Variants in PTPRZ1 observed in about 807,000 individuals in gnomAD.
The protein encoded by PTPRZ1 is receptor-type tyrosine-protein phosphatase zeta.
A neutral mutation model predicts 214.1 loss-of-function variants in PTPRZ1; 82 were observed. The ratio of observed to expected loss-of-function variants is 0.38; its 90% CI spans 0.32 to 0.46. PTPRZ1 has a LOEUF of 0.46. PTPRZ1 is among the 20% of genes least tolerant of loss of function. The probability of loss-of-function intolerance (pLI) is 1.00; values close to 1 mark genes in which losing one functional copy is unlikely to be tolerated. For synonymous variants in PTPRZ1, 945 were observed against 987.9 expected, an observed-to-expected ratio of 0.96 and a Z score of 0.81; for missense variants, 2,603 against 2,748.7, an observed-to-expected ratio of 0.95 and a Z score of 1.19.
intron 2 of PTPRZ1, among the ~76,000 whole-genome samples, chr7:121,940,769 G>A (rs1796216171): frequency 6.6e-6 from 1 of 150,578 alleles, no homozygotes; most frequent in African/African-American, 2.5e-5. Flanking sequence ...CAATAGTACA[G>A]ATATAATTAT....
At chr7:121,978,246 T>C (rs1797500899) in intron 6 of PTPRZ1, among the ~76,000 whole-genome samples, 1 of 152,226 alleles carries the variant, frequency 6.6e-6, no homozygotes, top group African/African-American at 2.4e-5. Flanking sequence ...ATTCTGGCTC[T>C]TAATTTGAAA....
intron 1 of PTPRZ1, among the ~76,000 whole-genome samples, chr7:121,873,892 C>T (rs1444624902): frequency 2.6e-5 from 4 of 151,996 alleles, no homozygotes; most frequent in Admixed American, 2.6e-4. Flanking sequence ...GTAGAAATCG[C>T]CTTTTAGATA....
intron 16 of PTPRZ1, 68 bp downstream of exon 16, chr7:122,034,183 TGATA>T: frequency 6.4e-7 from 1 of 1,564,606 alleles, no homozygotes; most frequent in Non-Finnish European, 8.8e-7. Flanking sequence ...AAATTTCATT[TGATA>T]GATTATTTTG....
At chr7:122,042,441 G>A (rs542510533) in intron 21 of PTPRZ1, among the ~76,000 whole-genome samples, 167 bp from the exon 22 acceptor site, 41 of 152,246 alleles carry the variant, frequency 2.7e-4, no homozygotes, top group African/African-American at 7.5e-4. Flanking sequence ...AAAGCATTAC[G>A]CTTAATTACT....
intron 4 of PTPRZ1, among the ~76,000 whole-genome samples, chr7:121,974,596 T>C (rs1161748867): frequency 6.6e-6 from 1 of 152,176 alleles, no homozygotes; most frequent in Non-Finnish European, 1.5e-5. Flanking sequence ...CAAGCAATTC[T>C]CCTGCCTCAG....
At position 121,972,482 on chromosome 7, in the gene PTPRZ1, G is replaced by A; in HGVS notation, c.305-59G>A. Reference sequence around the variant, plus strand: ...TGTACCTTAAGTAGATGGAAATTTAGTTGAAATTTAAAATTTTGATTTTCA... The same window carrying A: ...TGTACCTTAAGTAGATGGAAATTTAATTGAAATTTAAAATTTTGATTTTCA... On this transcript the variant is annotated intron_variant, in intron 3 of 29. Coordinates refer to ENST00000393386, the MANE Select transcript of PTPRZ1 (RefSeq NM_002851.3). 2.1e-6 allele frequency: 3 copies of A among 1,438,232 alleles called. No homozygotes were observed. In the East Asian group the frequency reaches 7.0e-5, roughly 34 times the overall value. The allele number at this position is 1,438,232 out of a possible 1,614,324, so 89.1% of individuals were successfully genotyped here.
intron 11 of PTPRZ1, among the ~76,000 whole-genome samples, chr7:122,009,432 T>C (rs989269365): frequency 1.4e-5 from 2 of 145,496 alleles, no homozygotes; most frequent in African/African-American, 2.5e-5. Context: ...ACAAAGATAC[T>C]GACAAAATCA....
chr7:121,875,289 T>C (rs1391054901), intron 1 of PTPRZ1, among the ~76,000 whole-genome samples: 1 of 152,224 alleles, frequency 6.6e-6, no homozygotes, highest in Non-Finnish European at 1.5e-5. Context: ...TTCATATAAA[T>C]AGAATCATGC....
At chr7:121,890,374 A>G (rs1329214674) in intron 1 of PTPRZ1, among the ~76,000 whole-genome samples, 1 of 152,110 alleles carries the variant, frequency 6.6e-6, no homozygotes, top group Non-Finnish European at 1.5e-5. Context: ...ATAATCTTCC[A>G]TTGCAAATGT....
At chr7:122,051,550 A>T in intron 24 of PTPRZ1, 29 bp downstream of exon 24, 1 of 1,570,760 alleles carries the variant, frequency 6.4e-7, no homozygotes, top group East Asian at 2.2e-5. Flanking sequence ...TGAAAAAACA[A>T]CTTTTTTAAA....
intron 8 of PTPRZ1, among the ~76,000 whole-genome samples, chr7:121,987,425 A>G (rs1797791189): frequency 6.6e-6 from 1 of 152,208 alleles, no homozygotes; most frequent in South Asian, 2.1e-4. Context: ...GTGTATACCC[A>G]GTAATGGGAT....
chr7:121,976,154 A>G lies in PTPRZ1; in HGVS notation c.457-19A>G. 1 of 1,533,264 alleles carries G rather than the reference A, an allele frequency of 6.5e-7. No homozygotes were observed. Among genetic ancestry groups the G allele is most frequent in the Non-Finnish European group, 9.0e-7 (1 of 1,110,408 alleles). 95.0% of individuals were successfully genotyped at this position (1,533,264 alleles called of 1,614,324 possible). ...TGAAGTCTTTGTGTATCATAAAACT[A>G]TCATTGTTACTTTTATAGATGCAAA... On this transcript the variant is annotated intron_variant, in intron 4 of 29. Coordinates refer to ENST00000393386, the MANE Select transcript of PTPRZ1 (RefSeq NM_002851.3).
At chr7:121,978,818 A>C (rs1237467303) in intron 6 of PTPRZ1, among the ~76,000 whole-genome samples, 2 of 152,178 alleles carry the variant, frequency 1.3e-5, no homozygotes, top group Admixed American at 1.3e-4. Context: ...ACAACTACCC[A>C]AACCAAATAA....
chr7:121,947,777 T>A (rs1260556294), intron 2 of PTPRZ1, among the ~76,000 whole-genome samples: 2 of 152,136 alleles, frequency 1.3e-5, no homozygotes, highest in Non-Finnish European at 2.9e-5. Flanking sequence ...TGAGGCCAAA[T>A]CCAGACTAAA....
rs145955296 is a variant in PTPRZ1, at chr7:122,013,350, A to G, written c.4304A>G (p.Asp1435Gly). 37 of 1,613,982 alleles carry G rather than the reference A, an allele frequency of 2.3e-5. No individual in the cohort carries two copies. The highest frequency in any genetic ancestry group is 3.1e-5 in the Non-Finnish European group (36 of 1,180,020). ...GDDDDDDRGS[D>G]GLSIHKCMSC... The stretch of plus-strand genomic sequence containing the variant: ...GATGATGATGATGACAGAGGTAGTG[A>G]TGGCTTATCCATTCATAAGTGTATG... Residue 1435 changes from aspartate to glycine, a missense_variant, in exon 12 of 30, where the codon GAT (aspartate) becomes GGT (glycine). Asp to Gly is a moderately conservative substitution (Grantham distance 94). Transcript: ENST00000393386.
intron 13 of PTPRZ1, among the ~76,000 whole-genome samples, chr7:122,025,410 A>G (rs935078864): frequency 3.3e-5 from 5 of 150,134 alleles, no homozygotes; most frequent in Non-Finnish European, 5.9e-5. Context: ...GCTCACCGCA[A>G]CCTCCACCTC....
chr7:122,028,522 G>A, intron 13 of PTPRZ1, 30 bp from the exon 14 acceptor site: 1 of 1,434,814 alleles, frequency 7.0e-7, no homozygotes. Flanking sequence ...ATAGCAACTA[G>A]TAGTATAAAT....
rs1327607545 is a variant in PTPRZ1, at chr7:122,010,570, T to C, written c.1524T>C (p.Thr508=). The C allele has an allele frequency of 3.7e-6, 6 of 1,613,452 alleles. No individual in the cohort carries two copies. The highest frequency in any genetic ancestry group is 5.1e-6 in the Non-Finnish European group (6 of 1,179,404). ...TSLNSTSQPV[T]KLATEKDISL... The stretch of plus-strand genomic sequence containing the variant: ...TAAATTCCACTTCCCAACCAGTCAC[T>C]AAATTAGCCACAGAAAAAGATATTT... The change falls in exon 12 of 30, where the codon ACT becomes ACC. Residue 508 remains threonine (T), a synonymous_variant. Coordinates refer to ENST00000393386, the MANE Select transcript of PTPRZ1 (RefSeq NM_002851.3).
intron 23 of PTPRZ1, among the ~76,000 whole-genome samples, chr7:122,047,582 A>G (rs1792038033): frequency 6.6e-6 from 1 of 151,318 alleles, no homozygotes; most frequent in Non-Finnish European, 1.5e-5. Flanking sequence ...TACGGTTTCT[A>G]TTATCTGTGA....
Sources: allele counts gnomAD v4.1 joint callset (sites outside exome capture counted in the v4.1 genomes callset), GRCh38; gene constraint gnomAD v4.1.1; transcripts MANE v1.5; gene names NCBI Gene and HGNC (gene_info 2026-07-23, HGNC 2026-07-21).